The following SPIDR variants were observed in gnomAD, a reference collection of about 807,000 sequenced individuals.
SPIDR encodes scaffold protein involved in DNA repair.
Under a neutral mutation model 104.6 loss-of-function variants are expected in SPIDR, and 93 were observed. That is an observed-to-expected ratio of 0.89 (90% CI 0.75 to 1.06). SPIDR has a LOEUF of 1.06. Ranked by LOEUF, SPIDR falls within the 50% of genes least tolerant of loss-of-function variation. The pLI is 0.00. For missense variants in SPIDR, 1,154 were observed against 1,111.2 expected (o/e 1.04, Z -0.55); for synonymous variants, 431 against 416.9 (o/e 1.03, Z -0.41).
intron 8 of SPIDR, among the ~76,000 whole-genome samples, chr8:47,521,236 C>T (rs2084024694): frequency 6.6e-6 from 1 of 152,150 alleles, no homozygotes; most frequent in African/African-American, 2.4e-5. Flanking sequence ...TTTAATTGGA[C>T]ATGCTTTGGC....
At chr8:47,685,496 TA>T (rs1229333332) in intron 11 of SPIDR, among the ~76,000 whole-genome samples, 21 of 131,416 alleles carry the variant, frequency 1.6e-4, no homozygotes, top group Admixed American at 5.0e-4. Flanking sequence ...TTTATTTATT[TA>T]TTTATTTATT....
At chr8:47,702,508 T>G (rs774811199) in intron 14 of SPIDR, among the ~76,000 whole-genome samples, 81 of 152,182 alleles carry the variant, frequency 5.3e-4, no homozygotes, top group Admixed American at 7.2e-4. Context: ...CCCACCTCCA[T>G]GGTCCCTGTG....
intron 8 of SPIDR, among the ~76,000 whole-genome samples, chr8:47,472,700 A>G (rs1457087244): frequency 6.6e-6 from 1 of 152,220 alleles, no homozygotes; most frequent in Non-Finnish European, 1.5e-5. Context: ...CCTCAAAATA[A>G]GTAATTTTCA....
chr8:47,551,982 A>C (rs1276803297), intron 8 of SPIDR, among the ~76,000 whole-genome samples: 1 of 152,124 alleles, frequency 6.6e-6, no homozygotes, highest in Non-Finnish European at 1.5e-5. Flanking sequence ...CTTTGTTCTC[A>C]TTGGTTTCAG....
At chr8:47,279,759 CACTTCT>C (rs1470184875) in intron 1 of SPIDR, 97 bp from the exon 2 acceptor site, 330 of 1,161,250 alleles carry the variant, frequency 2.8e-4, no homozygotes, top group Non-Finnish European at 3.9e-4. Context: ...TTACTGATGC[CACTTCT>C]AGGTTTTCAG....
chr8:47,604,039 T>G (rs2062639556), intron 10 of SPIDR, among the ~76,000 whole-genome samples: 1 of 152,182 alleles, frequency 6.6e-6, no homozygotes, highest in East Asian at 1.9e-4. Flanking sequence ...AGACATTGTC[T>G]CTGTGCTCCT....
intron 8 of SPIDR, among the ~76,000 whole-genome samples, chr8:47,457,990 CT>C (rs1298351962): frequency 6.6e-6 from 1 of 152,174 alleles, no homozygotes; most frequent in Non-Finnish European, 1.5e-5. Flanking sequence ...GTTTTGGTGG[CT>C]ATGGCCTTAT....
At chr8:47,694,477 A>C (rs1244726355) in intron 11 of SPIDR, among the ~76,000 whole-genome samples, 2 of 152,166 alleles carry the variant, frequency 1.3e-5, no homozygotes, top group African/African-American at 4.8e-5. Context: ...AATAAAAATG[A>C]ATGAGGACTG....
At chr8:47,604,607 C>G (rs540822151) in intron 10 of SPIDR, among the ~76,000 whole-genome samples, 4 of 152,246 alleles carry the variant, frequency 2.6e-5, no homozygotes, top group African/African-American at 9.6e-5. Context: ...GATCCGTGGT[C>G]TAGATGTGTG....
chr8:47,313,206 A>G (rs1452789540), intron 5 of SPIDR, among the ~76,000 whole-genome samples: 1 of 152,220 alleles, frequency 6.6e-6, no homozygotes, highest in Non-Finnish European at 1.5e-5. Context: ...AAGCAACTTC[A>G]GCAAAGTCTC....
intron 5 of SPIDR, among the ~76,000 whole-genome samples, chr8:47,386,082 A>T (rs374438669): frequency 1.3e-5 from 2 of 151,954 alleles, no homozygotes; most frequent in African/African-American, 4.8e-5. Flanking sequence ...CTGGATAGGT[A>T]GTTATTCCCA....
Position 47,693,845 on chromosome 8 carries a change from C to T in SPIDR, c.1686-6558C>T, listed in dbSNP as rs557544765. Among the ~76,000 whole-genome samples, 7 of 152,294 alleles carry T rather than the reference C, an allele frequency of 4.6e-5. No homozygotes were observed. In the South Asian group the frequency reaches 1.0e-3, roughly 23 times the overall value. The stretch of plus-strand genomic sequence containing the variant: ...CAGGAATTGCCTCTTCAAGACTGCT[C>T]GGCCTTTGCTGTTCTCTTTGGCACT... On this transcript the variant is annotated intron_variant, in intron 11 of 19. Coordinates refer to ENST00000297423, the MANE Select transcript of SPIDR (RefSeq NM_001080394.4).
intron 14 of SPIDR, among the ~76,000 whole-genome samples, chr8:47,710,086 CA>C (rs1242877316): frequency 6.6e-6 from 1 of 152,256 alleles, no homozygotes; most frequent in East Asian, 1.9e-4. Context: ...CCATGTTGGC[CA>C]GGCTGCTCTC....
intron 8 of SPIDR, among the ~76,000 whole-genome samples, chr8:47,550,308 C>T (rs1041919664): frequency 5.9e-5 from 9 of 152,188 alleles, no homozygotes; most frequent in Non-Finnish European, 1.2e-4. Flanking sequence ...TGAAGAAAGT[C>T]ATTGGTAGCT....
Position 47,537,023 on chromosome 8 carries a change from A to G in SPIDR, c.1098-58788A>G, listed in dbSNP as rs537013394. Among the ~76,000 whole-genome samples the G allele has an allele frequency of 2.0e-5, 3 of 152,358 alleles. No individual in the cohort carries two copies. In the South Asian group the frequency reaches 6.2e-4, roughly 32 times the overall value. On this transcript the variant is annotated intron_variant, in intron 8 of 19. Coordinates refer to ENST00000297423, the MANE Select transcript of SPIDR (RefSeq NM_001080394.4). Reference sequence around the variant, plus strand: ...ATTGAAACAGCAATGAGATACCACTAGACATCTATTAGAATGGCTAACAGT... The same window carrying G: ...ATTGAAACAGCAATGAGATACCACTGGACATCTATTAGAATGGCTAACAGT...
chr8:47,317,908 A>G (rs1294811874), intron 5 of SPIDR, among the ~76,000 whole-genome samples: 2 of 152,168 alleles, frequency 1.3e-5, no homozygotes, highest in Non-Finnish European at 2.9e-5. Flanking sequence ...AAGGAAAACT[A>G]ACAGAAAGGA....
chr8:47,331,378 C>T (rs989554469), intron 5 of SPIDR, among the ~76,000 whole-genome samples: 3 of 152,194 alleles, frequency 2.0e-5, no homozygotes, highest in African/African-American at 4.8e-5. Flanking sequence ...CACACCTACA[C>T]TATATGGTTA....
intron 10 of SPIDR, among the ~76,000 whole-genome samples, chr8:47,636,394 G>A (rs2067926126): frequency 6.6e-6 from 1 of 152,164 alleles, no homozygotes; most frequent in African/African-American, 2.4e-5. Flanking sequence ...TAAGCCTCCA[G>A]TGGCCTCGAA....
At chr8:47,451,930 A>G (rs1172501469) in intron 8 of SPIDR, among the ~76,000 whole-genome samples, 1 of 152,206 alleles carries the variant, frequency 6.6e-6, no homozygotes, top group Non-Finnish European at 1.5e-5. Flanking sequence ...TGGTCCCAGC[A>G]ATCTGAACCA....
Sources: allele counts gnomAD v4.1 joint callset (sites outside exome capture counted in the v4.1 genomes callset), GRCh38; gene constraint gnomAD v4.1.1; transcripts MANE v1.5; gene names NCBI Gene and HGNC (gene_info 2026-07-23, HGNC 2026-07-21).